TEAD1: variants seen among roughly 807,000 people sequenced by gnomAD.
The protein encoded by TEAD1 is TEA domain transcription factor 1, also known as transcriptional enhancer factor TEF-1.
In TEAD1, 9 loss-of-function variants were observed where a neutral mutation model predicts 54.9. The ratio of observed to expected loss-of-function variants is 0.16; its 90% CI spans 0.10 to 0.29. The LOEUF is 0.29. Among genes scored for constraint, TEAD1 ranks in the 10% least tolerant of loss-of-function variants. TEAD1 has a pLI of 1.00. For synonymous variants in TEAD1, 200 were observed against 187.8 expected (o/e 1.07, Z -0.53); for missense variants, 387 against 535.9 (o/e 0.72, Z 2.74).
In TEAD1 at chr11:12,832,371, T is replaced by G. The variant is rs75750537; in HGVS notation, c.203-29879T>G. 1.4e-3 allele frequency among the ~76,000 whole-genome samples: 209 copies of G among 152,380 alleles called. 4 individuals are homozygous for G. In the East Asian group the frequency reaches 0.038, roughly 28 times the overall value. On this transcript the variant is annotated intron_variant, in intron 3 of 12. Coordinates refer to ENST00000527636, the MANE Select transcript of TEAD1 (RefSeq NM_021961.6). ...GACTAGGGGGAAAAATCCAAGTTTT[T>G]GATAAATTGTCCTCAAAGCTAAACT...
At chr11:12,710,073 T>C (rs1380981116) in intron 2 of TEAD1, among the ~76,000 whole-genome samples, 1 of 151,722 alleles carries the variant, frequency 6.6e-6, no homozygotes, top group Admixed American at 6.6e-5. Context: ...ACACCTGTAA[T>C]CCTAGCACTT....
intron 2 of TEAD1, among the ~76,000 whole-genome samples, chr11:12,707,846 G>A (rs952433583): frequency 2.0e-5 from 3 of 152,194 alleles, no homozygotes; most frequent in Admixed American, 6.5e-5. Flanking sequence ...CAGGAAGATT[G>A]TTAGAAATAC....
intron 10 of TEAD1, among the ~76,000 whole-genome samples, chr11:12,916,666 C>G (rs558291155): frequency 6.6e-6 from 1 of 152,340 alleles, no homozygotes; most frequent in East Asian, 1.9e-4. Flanking sequence ...CCAAATCTCT[C>G]ACTTCTGCTG....
At chr11:12,793,196 T>G (rs1484384152) in intron 3 of TEAD1, among the ~76,000 whole-genome samples, 1 of 151,886 alleles carries the variant, frequency 6.6e-6, no homozygotes, top group African/African-American at 2.4e-5. Context: ...GGGTTTTCCC[T>G]ACTACAAGTA....
chr11:12,891,687 A>C (rs1948201329), intron 9 of TEAD1, among the ~76,000 whole-genome samples: 1 of 152,210 alleles, frequency 6.6e-6, no homozygotes, highest in Admixed American at 6.5e-5. Flanking sequence ...AGTTTAAGTA[A>C]CTTCATCTGG....
At chr11:12,883,642 T>C (rs914263592) in intron 9 of TEAD1, among the ~76,000 whole-genome samples, 1 of 152,136 alleles carries the variant, frequency 6.6e-6, no homozygotes, top group Non-Finnish European at 1.5e-5. Flanking sequence ...AGCCTAATCA[T>C]TTAGCTGTTA....
chr11:12,869,993 C>T (rs1947707366), intron 5 of TEAD1, among the ~76,000 whole-genome samples: 1 of 152,166 alleles, frequency 6.6e-6, no homozygotes, highest in Admixed American at 6.5e-5. Flanking sequence ...GATTCTCCTG[C>T]CTCAGCCTCC....
At chr11:12,763,383 T>G (rs1362686574) in intron 2 of TEAD1, among the ~76,000 whole-genome samples, 1 of 152,236 alleles carries the variant, frequency 6.6e-6, no homozygotes, top group Non-Finnish European at 1.5e-5. Flanking sequence ...TAGGCACTTG[T>G]GGTAGATGTT....
chr11:12,740,756 G>C (rs1944635074), intron 2 of TEAD1, among the ~76,000 whole-genome samples: 1 of 152,036 alleles, frequency 6.6e-6, no homozygotes. Context: ...CTCCCACCAG[G>C]TCACTCCCAC....
At chr11:12,743,454 C>A (rs556723511) in intron 2 of TEAD1, among the ~76,000 whole-genome samples, 146 of 152,240 alleles carry the variant, frequency 9.6e-4, no homozygotes, top group Middle Eastern at 3.4e-3. Flanking sequence ...AAGCAGATAG[C>A]TTTTATCCTT....
chr11:12,897,050 C>T (rs867465444), intron 9 of TEAD1, among the ~76,000 whole-genome samples: 2 of 152,132 alleles, frequency 1.3e-5, no homozygotes, highest in Non-Finnish European at 1.5e-5. Context: ...TTGAGGAAAT[C>T]GAGTCTTGGG....
At chr11:12,724,497 C>G (rs1944276063) in intron 2 of TEAD1, among the ~76,000 whole-genome samples, 1 of 152,200 alleles carries the variant, frequency 6.6e-6, no homozygotes, top group Non-Finnish European at 1.5e-5. Flanking sequence ...TGAAGAGGGG[C>G]AGGCCGCTGG....
chr11:12,767,816 C>T (rs907670583), intron 3 of TEAD1, among the ~76,000 whole-genome samples: 2 of 152,058 alleles, frequency 1.3e-5, no homozygotes, highest in African/African-American at 4.8e-5. Flanking sequence ...GTGCTCAGTC[C>T]CTGGGGCTCT....
At chr11:12,885,598 G>A (rs1017464008) in intron 9 of TEAD1, among the ~76,000 whole-genome samples, 1 of 152,076 alleles carries the variant, frequency 6.6e-6, no homozygotes, top group African/African-American at 2.4e-5. Flanking sequence ...GCATATGACT[G>A]TTTTTTAGGA....
intron 3 of TEAD1, among the ~76,000 whole-genome samples, chr11:12,817,826 C>T (rs990851858): frequency 6.6e-6 from 1 of 152,140 alleles, no homozygotes; most frequent in African/African-American, 2.4e-5. Flanking sequence ...CGCAACAGGG[C>T]CATTGAAACA....
intron 3 of TEAD1, among the ~76,000 whole-genome samples, chr11:12,833,800 A>G (rs981424520): frequency 2.0e-5 from 3 of 151,986 alleles, no homozygotes; most frequent in East Asian, 1.9e-4. Context: ...TCTTTCTTTA[A>G]TTAGTCATTT....
intron 3 of TEAD1, among the ~76,000 whole-genome samples, chr11:12,768,581 G>T (rs1340707419): frequency 6.6e-6 from 1 of 152,228 alleles, no homozygotes; most frequent in East Asian, 1.9e-4. Flanking sequence ...TAGCTAGCAG[G>T]TTTCAAATTC....
intron 2 of TEAD1, among the ~76,000 whole-genome samples, chr11:12,740,105 G>T (rs1004859461): frequency 1.3e-5 from 2 of 152,182 alleles, no homozygotes; most frequent in Non-Finnish European, 2.9e-5. Context: ...CACATAGGCA[G>T]TCTTATGTGG....
At chr11:12,862,423 C>G (rs1947524448) in intron 4 of TEAD1, 109 bp downstream of exon 4, 1 of 911,314 alleles carries the variant, frequency 1.1e-6, no homozygotes. Context: ...AATTTGAGTT[C>G]CCTGTAAGGA....
Sources: allele counts gnomAD v4.1 joint callset (sites outside exome capture counted in the v4.1 genomes callset), GRCh38; gene constraint gnomAD v4.1.1; transcripts MANE v1.5; gene names NCBI Gene and HGNC (gene_info 2026-07-23, HGNC 2026-07-21).